Variants in KIAA1217 observed in about 807,000 individuals in gnomAD.
KIAA1217 encodes the protein sickle tail protein homolog.
KIAA1217 carries 88 observed loss-of-function variants against 163.9 expected under a neutral mutation model. The ratio of observed to expected loss-of-function variants is 0.54; its 90% CI spans 0.45 to 0.64. The LOEUF is 0.64. Among genes scored for constraint, KIAA1217 ranks in the 30% least tolerant of loss-of-function variants. The pLI is 0.00. For missense variants in KIAA1217, 2,372 were observed against 2,475.0 expected (o/e 0.96, Z 0.88); for synonymous variants, 903 against 923.1 (o/e 0.98, Z 0.39).
intron 2 of KIAA1217, among the ~76,000 whole-genome samples, chr10:24,222,826 A>G (rs1343763289): frequency 6.6e-6 from 1 of 152,206 alleles, no homozygotes; most frequent in African/African-American, 2.4e-5. Flanking sequence ...GTTTATTAGC[A>G]AAGTAAAGAA....
Position 24,547,505 on chromosome 10 carries a change from A to G in KIAA1217, c.*1181A>G, listed in dbSNP as rs1028213098. On this transcript the variant is annotated 3_prime_UTR_variant, in exon 21 of 21. Transcript: ENST00000376454. Reference sequence around the variant, plus strand: ...TGCTTATTATTTTTTGTACCTTGTCACTATAACTACTTCCTAGTCAAAGAA... The same window carrying G: ...TGCTTATTATTTTTTGTACCTTGTCGCTATAACTACTTCCTAGTCAAAGAA... 3.9e-5 allele frequency: 6 copies of G among 152,424 alleles called. No homozygotes were observed. The highest frequency in any genetic ancestry group is 1.2e-4 in the African/African-American group (5 of 41,476). 9.4% of individuals were successfully genotyped at this position (152,424 alleles called of 1,614,324 possible).
chr10:23,842,163 C>T (rs761775108), intron 1 of KIAA1217, among the ~76,000 whole-genome samples: 8 of 152,054 alleles, frequency 5.3e-5, no homozygotes, highest in South Asian at 2.1e-4. Flanking sequence ...CCACCGTGCC[C>T]GGCATAGGAC....
At chr10:23,734,429 G>A (rs748599324) in intron 1 of KIAA1217, among the ~76,000 whole-genome samples, 28 of 151,742 alleles carry the variant, frequency 1.8e-4, no homozygotes, top group Non-Finnish European at 3.4e-4. Flanking sequence ...TGGTATTACA[G>A]GTGCATGCCA....
intron 2 of KIAA1217, among the ~76,000 whole-genome samples, chr10:24,259,716 CT>C (rs1416815104): frequency 6.6e-6 from 1 of 152,210 alleles, no homozygotes; most frequent in Non-Finnish European, 1.5e-5. Context: ...TCCCCTGTGC[CT>C]TCCCCCTGGG....
At chr10:23,757,633 T>C (rs1267855139) in intron 1 of KIAA1217, among the ~76,000 whole-genome samples, 1 of 152,182 alleles carries the variant, frequency 6.6e-6, no homozygotes, top group Non-Finnish European at 1.5e-5. Flanking sequence ...TTCTCTTGCC[T>C]CAGCCTCCTG....
intron 1 of KIAA1217, among the ~76,000 whole-genome samples, chr10:23,814,264 C>T (rs1366819589): frequency 6.6e-6 from 1 of 152,074 alleles, no homozygotes; most frequent in Non-Finnish European, 1.5e-5. Context: ...TCATTCTGCT[C>T]CTATATCTGG....
At chr10:24,108,844 TG>T (rs1302995012) in intron 2 of KIAA1217, among the ~76,000 whole-genome samples, 1 of 152,232 alleles carries the variant, frequency 6.6e-6, no homozygotes, top group East Asian at 1.9e-4. Flanking sequence ...TGTTTTGTTT[TG>T]TTTCGAGACT....
At chr10:23,828,084 T>C (rs1482210442) in intron 1 of KIAA1217, among the ~76,000 whole-genome samples, 2 of 152,168 alleles carry the variant, frequency 1.3e-5, no homozygotes, top group African/African-American at 4.8e-5. Context: ...TCTGCAATGT[T>C]TTAAGTCCTG....
At chr10:23,994,239 A>G (rs370331939) in intron 1 of KIAA1217, among the ~76,000 whole-genome samples, 9 of 152,202 alleles carry the variant, frequency 5.9e-5, no homozygotes, top group Admixed American at 4.6e-4. Context: ...GAAGCTGAAC[A>G]TGACCTCAAT....
At chr10:23,824,093 G>T (rs943522903) in intron 1 of KIAA1217, among the ~76,000 whole-genome samples, 1 of 151,914 alleles carries the variant, frequency 6.6e-6, no homozygotes, top group Non-Finnish European at 1.5e-5. Context: ...GAAATACAGT[G>T]AAACCCCATC....
intron 2 of KIAA1217, among the ~76,000 whole-genome samples, chr10:24,097,817 T>C (rs1242993711): frequency 6.6e-6 from 1 of 152,162 alleles, no homozygotes; most frequent in African/African-American, 2.4e-5. Flanking sequence ...TTTATGCAGA[T>C]AATTTTCTCG....
intron 2 of KIAA1217, among the ~76,000 whole-genome samples, chr10:24,103,335 C>A (rs2062492212): frequency 6.6e-6 from 1 of 152,036 alleles, no homozygotes; most frequent in Non-Finnish European, 1.5e-5. Context: ...CCTAGATGAC[C>A]TTAGATGTGG....
intron 13 of KIAA1217, among the ~76,000 whole-genome samples, chr10:24,525,573 C>T (rs1000658589): frequency 1.3e-5 from 2 of 152,040 alleles, no homozygotes; most frequent in Non-Finnish European, 2.9e-5. Flanking sequence ...CTAGAAACAA[C>T]GTACAGAATT....
chr10:23,973,719 C>T (rs533911721), intron 1 of KIAA1217, among the ~76,000 whole-genome samples: 4 of 152,190 alleles, frequency 2.6e-5, no homozygotes, highest in African/African-American at 4.8e-5. Context: ...GAGGTAATGA[C>T]GAGAAACTGT....
intron 2 of KIAA1217, among the ~76,000 whole-genome samples, chr10:24,017,094 C>A (rs973835798): frequency 6.7e-6 from 1 of 149,020 alleles, no homozygotes; most frequent in South Asian, 2.1e-4. Flanking sequence ...CACTCTATCA[C>A]CCAGGCTGGA....
chr10:24,158,525 G>C (rs1232931161), intron 2 of KIAA1217: 5 of 516,534 alleles, frequency 9.7e-6, no homozygotes, highest in Non-Finnish European at 2.0e-5. Flanking sequence ...AGGATTTTTA[G>C]AGAATTCATC....
rs564144734 is a variant in KIAA1217 at position 24,276,840 on chromosome 10, C to T, written c.354+56931C>T. ...GGCCAGGCTGGTCTGGAACTCCTGA[C>T]CTTGTGATCCGTCCGCCTCAGCCTC... On this transcript the variant is annotated intron_variant, in intron 2 of 20. Transcript: ENST00000376454. 9.0e-4 allele frequency among the ~76,000 whole-genome samples: 137 copies of T among 152,052 alleles called. 2 individuals carry two copies. The highest frequency in any genetic ancestry group is 1.5e-3 in the South Asian group (7 of 4,808).
chr10:24,367,562 AGCTT>A (rs2050955613), intron 2 of KIAA1217, among the ~76,000 whole-genome samples: 1 of 152,206 alleles, frequency 6.6e-6, no homozygotes, highest in East Asian at 1.9e-4. Context: ...TATCCTTGCC[AGCTT>A]GCTCCAGCAG....
chr10:24,390,416 A>G (rs1209204414), intron 3 of KIAA1217, among the ~76,000 whole-genome samples: 1 of 150,920 alleles, frequency 6.6e-6, no homozygotes, highest in Non-Finnish European at 1.5e-5. Context: ...TAAAACCGAT[A>G]CACACAATAA....
Sources: gnomAD v4.1 joint callset for allele counts (sites outside exome capture counted in the v4.1 genomes callset) on GRCh38, gnomAD v4.1.1 for gene constraint, MANE v1.5 for transcripts, NCBI Gene and HGNC (gene_info 2026-07-23, HGNC 2026-07-21) for gene names.